The following ACACB variants were observed in gnomAD, a reference collection of about 807,000 sequenced individuals.
ACACB encodes acetyl-CoA carboxylase beta, also known as acetyl-CoA carboxylase 2.
In ACACB, 209 loss-of-function variants were observed where a neutral mutation model predicts 278.8. That is an observed-to-expected ratio of 0.75 (90% CI 0.67 to 0.84). The LOEUF (loss-of-function observed/expected upper bound fraction) is 0.84. Ranked by LOEUF, ACACB falls within the 40% of genes least tolerant of loss-of-function variation. The pLI is 0.00. For synonymous variants in ACACB, 1,174 were observed against 1,285.6 expected (o/e 0.91, Z 1.86); for missense variants, 2,850 against 3,269.0 (o/e 0.87, Z 3.13).
Position 109,251,587 on chromosome 12 carries a change from T to TC in ACACB, c.5791-455dup, listed in dbSNP as rs554648103. 2.3e-3 allele frequency among the ~76,000 whole-genome samples: 344 copies of TC among 152,294 alleles called. 7 individuals are homozygous for TC. In the East Asian group the frequency reaches 0.059, roughly 26 times the overall value. The stretch of plus-strand genomic sequence containing the variant: ...ATTTCCAAGTACCCTTCACCCAGCT[T>TC]CCCCTATGGTACTTACATAACCGTA... On this transcript the variant is annotated intron_variant, in intron 41 of 52. Coordinates refer to ENST00000338432, the MANE Select transcript of ACACB (RefSeq NM_001093.4).
intron 11 of ACACB, among the ~76,000 whole-genome samples, chr12:109,180,981 CT>C (rs2044446347): frequency 6.6e-6 from 1 of 152,150 alleles, no homozygotes; most frequent in Non-Finnish European, 1.5e-5. Context: ...GCCCCTACCT[CT>C]TCCTTTCCAG....
intron 34 of ACACB, among the ~76,000 whole-genome samples, chr12:109,238,021 A>G (rs868090917): frequency 6.6e-6 from 1 of 151,626 alleles, no homozygotes; most frequent in African/African-American, 2.4e-5. Context: ...CAAAAAAAAA[A>G]AAAAAAGAAA....
chr12:109,215,266 G>A (rs78767167), intron 22 of ACACB, among the ~76,000 whole-genome samples: 7,471 of 151,950 alleles, frequency 0.049, 236 homozygotes, highest in Middle Eastern at 0.075. Flanking sequence ...TTCAGTATCC[G>A]AAATCTATGA....
chr12:109,133,863 A>ATATATTTTT (rs55881936), intron 1 of ACACB, among the ~76,000 whole-genome samples: 2 of 70,654 alleles, frequency 2.8e-5, no homozygotes, highest in Non-Finnish European at 5.0e-5. Context: ...ATATATATAT[A>ATATATTTTT]TTTTTTTTTT....
rs1040141279 is a variant in ACACB, at chr12:109,246,366, A to G, written c.5489A>G (p.Asn1830Ser). ...EGIPKIYVAANSGARIGMAEE... is the reference protein window; with the variant it reads ...EGIPKIYVAASSGARIGMAEE... ...ATTCCCAAAATTTACGTGGCAGCCA[A>G]CAGTGGCGCCCGTATTGGCATGGCA... is the stretch of plus-strand genomic sequence containing the variant. The change falls in exon 39 of 53, where the codon AAC (asparagine) becomes AGC (serine). Residue 1830 changes from asparagine (N) to serine (S), a missense_variant. Around this residue, in one of 3 missense-constraint regions of ACACB, gnomAD observed 2,265 missense variants for 2,561.3 expected, o/e 0.88. Transcript: ENST00000338432. The G allele has an allele frequency of 6.2e-7, 1 of 1,613,424 alleles. No individual in the cohort carries two copies. Among genetic ancestry groups the G allele is most frequent in the Non-Finnish European group, 8.5e-7 (1 of 1,179,906 alleles).
intron 48 of ACACB, among the ~76,000 whole-genome samples, chr12:109,261,090 T>A (rs1395437515): frequency 6.6e-6 from 1 of 152,226 alleles, no homozygotes; most frequent in African/African-American, 2.4e-5. Context: ...GTAACCTCCT[T>A]GGCACTTTCC....
intron 3 of ACACB, 110 bp from the exon 4 acceptor site, chr12:109,167,786 C>T (rs1565881438): frequency 1.3e-6 from 2 of 1,506,506 alleles, no homozygotes; most frequent in South Asian, 2.3e-5. Context: ...GAATGATGTG[C>T]TGCGGGGGCT....
intron 29 of ACACB, among the ~76,000 whole-genome samples, chr12:109,233,308 C>G (rs1407047132): frequency 6.6e-6 from 1 of 152,086 alleles, no homozygotes; most frequent in East Asian, 1.9e-4. Context: ...CTTTTTTCAG[C>G]CTTTCACTGT....
intron 1 of ACACB, among the ~76,000 whole-genome samples, chr12:109,118,244 C>T (rs1478294715): frequency 6.6e-6 from 1 of 152,128 alleles, no homozygotes; most frequent in African/African-American, 2.4e-5. Flanking sequence ...TGCTCCTGCT[C>T]AGGTGTTGTG....
At chr12:109,173,333 T>C (rs143864273) in intron 6 of ACACB, among the ~76,000 whole-genome samples, 1 of 152,352 alleles carries the variant, frequency 6.6e-6, no homozygotes, top group East Asian at 1.9e-4. Flanking sequence ...AGGGGAATCA[T>C]TTACTATCAT....
In ACACB at chr12:109,167,933, G is replaced by A. The variant is rs776640811; in HGVS notation, c.824G>A (p.Cys275Tyr). 4.3e-6 allele frequency: 7 copies of A among 1,613,974 alleles called. No homozygotes were observed. The South Asian group carries it at 5.5e-5, about 13-fold the overall frequency. ...IANNGIAAVK[C>Y]MRSIRRWAYE... ...AACAACGGGATTGCCGCCGTGAAGT[G>A]CATGCGCTCCATCCGCAGGTGGGCC... Residue 275 changes from cysteine (C) to tyrosine (Y), a missense_variant, in exon 4 of 53, where the codon TGC (cysteine) becomes TAC (tyrosine). Physicochemically the swap from Cys to Tyr is radical, Grantham distance 194 (BLOSUM62 -2). Around this residue, in one of 3 missense-constraint regions of ACACB, gnomAD observed 2,265 missense variants for 2,561.3 expected, o/e 0.88. Coordinates refer to ENST00000338432, the MANE Select transcript of ACACB (RefSeq NM_001093.4).
In ACACB at chr12:109,166,888, G is replaced by A; in HGVS notation, c.681G>A (p.Val227=). ...CGAGCATGTCGGGACTCCACCTGGT[G>A]AAGAGGGGACGGGAACACAAGAAGC... The part of the protein sequence containing the change: ...MRPSMSGLHL[V]KRGREHKKLD... Residue 227 remains valine, a synonymous_variant, in exon 3 of 53, where the codon GTG becomes GTA. Coordinates refer to ENST00000338432, the MANE Select transcript of ACACB (RefSeq NM_001093.4). The A allele has an allele frequency of 1.9e-6, 3 of 1,614,058 alleles. No homozygotes were observed. Among genetic ancestry groups the A allele is most frequent in the Non-Finnish European group, 2.5e-6 (3 of 1,180,032 alleles).
At chr12:109,134,524 C>G (rs1001490917) in intron 1 of ACACB, among the ~76,000 whole-genome samples, 14 of 152,116 alleles carry the variant, frequency 9.2e-5, no homozygotes, top group Non-Finnish European at 1.9e-4. Context: ...AAAATTTTTC[C>G]TGAGGGCATG....
In ACACB at chr12:109,233,992, C is replaced by A. The variant is rs770985671; in HGVS notation, c.4294C>A (p.His1432Asn). The change falls in exon 31 of 53, where the codon CAC (histidine) becomes AAC (asparagine). Residue 1432 changes from histidine to asparagine, a missense_variant. His to Asn is a moderately conservative substitution (Grantham distance 68). Transcript: ENST00000338432. Reference sequence around the variant, plus strand: ...GAATGTGTCCATCCAGTGTGCAGACCACCTGGAGGATGAGGCACTGGTGCC... The same window carrying A: ...GAATGTGTCCATCCAGTGTGCAGACAACCTGGAGGATGAGGCACTGGTGCC... ...ILNVSIQCAD[H>N]LEDEALVPIL... The A allele has an allele frequency of 7.4e-6, 12 of 1,613,970 alleles. No homozygotes were observed. The highest frequency in any genetic ancestry group is 1.3e-5 in the African/African-American group (1 of 74,920).
At chr12:109,168,823 A>G (rs2284699) in intron 4 of ACACB, among the ~76,000 whole-genome samples, 27,388 of 151,784 alleles carry the variant, frequency 0.18, 3,074 homozygotes, top group East Asian at 0.53. Flanking sequence ...CTCTGTCTCA[A>G]ATAAAACAAC....
At chr12:109,120,781 AGCCCGGGGCCCAGCTCT>A (rs1388589039) in intron 1 of ACACB, among the ~76,000 whole-genome samples, 2 of 152,166 alleles carry the variant, frequency 1.3e-5, no homozygotes, top group African/African-American at 4.8e-5. Context: ...TGGAGGGCCC[AGCCCGGGGCCCAGCTCT>A]GCCACTCACT....
chr12:109,225,602 C>CT (rs1461280494), intron 27 of ACACB, among the ~76,000 whole-genome samples: 2 of 152,246 alleles, frequency 1.3e-5, no homozygotes, highest in Admixed American at 6.5e-5. Flanking sequence ...AAGGGCAAGT[C>CT]TTTTAATGGA....
rs760033014 is a variant in ACACB, at chr12:109,222,901, G to A, written c.3781G>A (p.Glu1261Lys). ...IDMYGHQFCP[E>K]NLKKLILSET... The stretch of plus-strand genomic sequence containing the variant: ...CATGTACGGCCACCAGTTCTGCCCC[G>A]AGAACCTCAAGGTGAGCCCGTCTCC... Residue 1261 changes from glutamate (E) to lysine (K), a missense_variant, in exon 26 of 53, where the codon GAG becomes AAG. By Grantham distance (56) the Glu-to-Lys change is moderately conservative. This residue lies in a region of ACACB where 2,265 missense variants were observed against 2,561.3 expected (regional missense o/e 0.88). Coordinates refer to ENST00000338432, the MANE Select transcript of ACACB (RefSeq NM_001093.4). 5.6e-5 allele frequency: 90 copies of A among 1,609,430 alleles called. No homozygotes were observed. The highest frequency in any genetic ancestry group is 1.6e-4 in the South Asian group (14 of 90,256).
chr12:109,156,367 C>T (rs532665561), intron 2 of ACACB, among the ~76,000 whole-genome samples: 2 of 151,912 alleles, frequency 1.3e-5, no homozygotes, highest in South Asian at 2.1e-4. Context: ...CCCATCTCTA[C>T]TTAAAAAAAA....
Sources: allele counts gnomAD v4.1 joint callset (sites outside exome capture counted in the v4.1 genomes callset), GRCh38; gene constraint gnomAD v4.1.1; regional missense constraint gnomAD v4.1.1; transcripts MANE v1.5; gene names NCBI Gene and HGNC (gene_info 2026-07-23, HGNC 2026-07-21).